Variants in PDE4D observed in about 807,000 individuals in gnomAD.
PDE4D encodes phosphodiesterase 4D.
PDE4D carries 24 observed loss-of-function variants against 87.4 expected under a neutral mutation model. The observed-to-expected ratio is 0.27, with a 90% CI of 0.20 to 0.39. The LOEUF (loss-of-function observed/expected upper bound fraction) is 0.39, where lower values mean the gene tolerates loss of function less well. Ranked by LOEUF, PDE4D falls within the 10% of genes least tolerant of loss-of-function variation. The pLI is 1.00. For synonymous variants in PDE4D, 384 were observed against 383.2 expected, an observed-to-expected ratio of 1.00 and a Z score of -0.02; for missense variants, 714 against 1,041.0, an observed-to-expected ratio of 0.69 and a Z score of 4.32.
intron 1 of PDE4D, among the ~76,000 whole-genome samples, chr5:60,355,438 T>A (rs1759539237): frequency 6.6e-6 from 1 of 152,168 alleles, no homozygotes; most frequent in South Asian, 2.1e-4. Flanking sequence ...TATCAAACCA[T>A]TAGTACCTTC....
At chr5:60,280,059 A>G (rs1317922018) in intron 1 of PDE4D, among the ~76,000 whole-genome samples, 1 of 152,158 alleles carries the variant, frequency 6.6e-6, no homozygotes, top group African/African-American at 2.4e-5. Flanking sequence ...GCTGGGCAAC[A>G]GAACAAGGCC....
In PDE4D at chr5:60,255,702, T is replaced by C. The variant is rs150663421; in HGVS notation, c.-89-70015A>G. ...TTATCACCAACTACTCAAAAGTAAG[T>C]ATGGCCAGGTGCAGTGGCTCACACC... On this transcript the variant is annotated intron_variant, in intron 1 of 16. Transcript: ENST00000502484. Among the ~76,000 whole-genome samples, 13 of 151,840 alleles carry C rather than the reference T, an allele frequency of 8.6e-5. No homozygotes were observed. The East Asian group carries it at 1.8e-3, about 20-fold the overall frequency.
At chr5:59,496,260 C>G (rs893732006) in intron 1 of PDE4D, among the ~76,000 whole-genome samples, 3 of 152,090 alleles carry the variant, frequency 2.0e-5, no homozygotes, top group African/African-American at 7.2e-5. Context: ...GTGCTCCCCT[C>G]GATGTCCTCT....
At chr5:59,732,921 T>TTCACATG (rs1201026617) in intron 1 of PDE4D, among the ~76,000 whole-genome samples, 17 of 87,160 alleles carry the variant, frequency 2.0e-4, no homozygotes, top group South Asian at 7.0e-4. Flanking sequence ...CACATGGATT[T>TTCACATG]GAGTTAAGTA....
At chr5:59,863,213 T>G (rs1239788558) in intron 1 of PDE4D, among the ~76,000 whole-genome samples, 2 of 152,180 alleles carry the variant, frequency 1.3e-5, no homozygotes, top group Non-Finnish European at 2.9e-5. Flanking sequence ...TAATACTAAA[T>G]TCCATGAGAC....
At chr5:60,212,243 G>C (rs951048900) in intron 1 of PDE4D, among the ~76,000 whole-genome samples, 3 of 151,986 alleles carry the variant, frequency 2.0e-5, no homozygotes, top group Admixed American at 6.5e-5. Flanking sequence ...AAATTTGCCT[G>C]CTTAGCATCC....
intron 1 of PDE4D, among the ~76,000 whole-genome samples, chr5:60,241,499 C>T (rs1192472937): frequency 2.0e-5 from 3 of 152,014 alleles, no homozygotes; most frequent in Non-Finnish European, 4.4e-5. Flanking sequence ...GTCTCAAACT[C>T]CTGAACTCAG....
rs142843396 is a variant in PDE4D at position 59,114,455 on chromosome 5, A to G, written c.808+66140T>C. Among the ~76,000 whole-genome samples, 630 of 152,292 alleles carry G rather than the reference A, an allele frequency of 4.1e-3. 2 individuals are homozygous for G. The Middle Eastern group carries it at 0.054, about 13-fold the overall frequency. ...GTTTTGGATATGAAGAATTTTATAA[A>G]CCCATGGGATACTCAGTTGGGAATT... On this transcript the variant is annotated intron_variant, in intron 5 of 14. Coordinates refer to ENST00000340635, the MANE Select transcript of PDE4D (RefSeq NM_001104631.2).
chr5:59,768,242 C>T, intron 1 of PDE4D: 2 of 1,598,216 alleles, frequency 1.3e-6, no homozygotes, highest in Admixed American at 1.7e-5. Context: ...CTGCGCAAAC[C>T]TTACCATGTA....
chr5:60,503,383 G>T (rs1468836639), intron 1 of PDE4D, among the ~76,000 whole-genome samples: 1 of 152,110 alleles, frequency 6.6e-6, no homozygotes, highest in African/African-American at 2.4e-5. Flanking sequence ...GTGCTGTTTA[G>T]CCAACAACTG....
chr5:59,616,867 A>T (rs1395606907), intron 1 of PDE4D, among the ~76,000 whole-genome samples: 1 of 137,700 alleles, frequency 7.3e-6, no homozygotes, highest in Non-Finnish European at 1.5e-5. Flanking sequence ...ACGTATTCCA[A>T]CTAAGATAGT....
intron 1 of PDE4D, among the ~76,000 whole-genome samples, chr5:60,387,693 T>A (rs1762288413): frequency 6.6e-6 from 1 of 152,098 alleles, no homozygotes; most frequent in Admixed American, 6.5e-5. Context: ...TCAAACCGTG[T>A]TTTTCCTCTA....
intron 1 of PDE4D, among the ~76,000 whole-genome samples, chr5:59,428,837 T>C (rs954892722): frequency 2.4e-4 from 37 of 152,286 alleles, no homozygotes; most frequent in African/African-American, 8.7e-4. Flanking sequence ...TATATAAAAT[T>C]TATTTAATTG....
intron 1 of PDE4D, among the ~76,000 whole-genome samples, chr5:59,815,553 G>C (rs928193568): frequency 3.3e-5 from 5 of 152,176 alleles, no homozygotes; most frequent in East Asian, 3.8e-4. Flanking sequence ...TAATGAAATG[G>C]GGTGGTTGTA....
intron 2 of PDE4D, among the ~76,000 whole-genome samples, chr5:60,084,400 G>T (rs991811437): frequency 1.3e-5 from 2 of 151,874 alleles, no homozygotes; most frequent in Admixed American, 1.3e-4. Context: ...GTGTGTGTGT[G>T]TGTGTGCGCG....
chr5:59,895,240 G>A (rs912224143), upstream of PDE4D, among the ~76,000 whole-genome samples: 4 of 152,232 alleles, frequency 2.6e-5, no homozygotes, highest in African/African-American at 9.6e-5. Flanking sequence ...ATGAAAATAA[G>A]TGCTCACTTT....
At position 58,989,945 on chromosome 5, in the gene PDE4D, A is replaced by G. The variant is rs935885456; in HGVS notation, c.1288-26T>C. 23 of 1,417,036 alleles carry G rather than the reference A, an allele frequency of 1.6e-5. No individual in the cohort carries two copies. In the African/African-American group the frequency reaches 2.9e-4, roughly 18 times the overall value. 87.8% of individuals were successfully genotyped at this position (1,417,036 alleles called of 1,614,324 possible). ...CTGTAGGAAAAAAAATCATCTTAAC[A>G]TTTTTGTCTTTATGTGAAAAATTTC... On this transcript the variant is annotated intron_variant, in intron 9 of 14. Transcript: ENST00000340635.
At position 60,260,522 on chromosome 5, in the gene PDE4D, A is replaced by T. The variant is rs79608755; in HGVS notation, c.-89-74835T>A. On this transcript the variant is annotated intron_variant, in intron 1 of 16. Coordinates refer to the PDE4D transcript ENST00000502484. ...TCTAAAGTGAATATAAGTCAACAACACAACATGAATTTATAATAAAAGAAA... is the reference window on the plus strand; with the variant it reads ...TCTAAAGTGAATATAAGTCAACAACTCAACATGAATTTATAATAAAAGAAA... Among the ~76,000 whole-genome samples the T allele has an allele frequency of 6.9e-3, 1,047 of 152,262 alleles. 11 individuals carry two copies. The highest frequency in any genetic ancestry group is 0.024 in the African/African-American group (1,006 of 41,572).
intron 1 of PDE4D, among the ~76,000 whole-genome samples, chr5:59,656,611 G>A (rs577568154): frequency 1.9e-4 from 29 of 152,252 alleles, no homozygotes; most frequent in African/African-American, 7.0e-4. Flanking sequence ...AGGAGGATGT[G>A]GGCATTCCTA....
Sources: gnomAD v4.1 joint callset for allele counts (sites outside exome capture counted in the v4.1 genomes callset) on GRCh38, gnomAD v4.1.1 for gene constraint, MANE v1.5 for transcripts, NCBI Gene and HGNC (gene_info 2026-07-23, HGNC 2026-07-21) for gene names.